DOK6: variants seen among roughly 807,000 people sequenced by gnomAD.
The protein encoded by DOK6 is downstream of tyrosine kinase 6.
DOK6 carries 22 observed loss-of-function variants against 44.0 expected under a neutral mutation model. The observed-to-expected ratio is 0.50, with a 90% confidence interval of 0.36 to 0.71. The LOEUF is 0.71. Among genes scored for constraint, DOK6 ranks in the 30% least tolerant of loss-of-function variants. The pLI, the probability that DOK6 is intolerant of heterozygous loss-of-function variation, is 0.00. For synonymous variants in DOK6, 166 were observed against 145.5 expected, an observed-to-expected ratio of 1.14 and a Z score of -1.01; for missense variants, 340 against 416.4, an observed-to-expected ratio of 0.82 and a Z score of 1.60.
At chr18:69,439,718 T>A (rs1256693982) in intron 1 of DOK6, among the ~76,000 whole-genome samples, 1 of 152,208 alleles carries the variant, frequency 6.6e-6, no homozygotes, top group Non-Finnish European at 1.5e-5. Context: ...AGGGCCTTGT[T>A]CTGGATTCGG....
chr18:69,643,055 G>A (rs1984983253), intron 3 of DOK6, among the ~76,000 whole-genome samples: 2 of 152,002 alleles, frequency 1.3e-5, no homozygotes, highest in Non-Finnish European at 2.9e-5. Flanking sequence ...CCCAATCTTT[G>A]TATCATTATG....
chr18:69,815,818 T>G (rs1015947565), intron 7 of DOK6, among the ~76,000 whole-genome samples: 1 of 152,138 alleles, frequency 6.6e-6, no homozygotes, highest in South Asian at 2.1e-4. Context: ...TACAAACATA[T>G]ATGTGTCATT....
intron 1 of DOK6, among the ~76,000 whole-genome samples, chr18:69,470,971 C>T (rs986129277): frequency 2.0e-5 from 3 of 151,954 alleles, no homozygotes; most frequent in African/African-American, 7.3e-5. Context: ...GTGATGTAGC[C>T]GGGCACGGTG....
At chr18:69,635,200 A>T (rs12959402) in intron 3 of DOK6, among the ~76,000 whole-genome samples, 65,649 of 151,772 alleles carry the variant, frequency 0.43, 16,252 homozygotes, top group Non-Finnish European at 0.55. Flanking sequence ...GACAACTAGA[A>T]AGTGTAGGGA....
chr18:69,830,279 A>G (rs1337515231), intron 7 of DOK6, among the ~76,000 whole-genome samples: 2 of 152,208 alleles, frequency 1.3e-5, no homozygotes, highest in Non-Finnish European at 2.9e-5. Context: ...TTATAGACTG[A>G]CTTTATCCCC....
chr18:69,581,783 A>G (rs935164755), intron 2 of DOK6, among the ~76,000 whole-genome samples: 9 of 152,258 alleles, frequency 5.9e-5, no homozygotes. Context: ...GATATAAATT[A>G]AAGCCTGATA....
At chr18:69,478,326 G>T (rs1980324835) in intron 1 of DOK6, among the ~76,000 whole-genome samples, 1 of 152,082 alleles carries the variant, frequency 6.6e-6, no homozygotes, top group African/African-American at 2.4e-5. Context: ...TTTCTTGTAC[G>T]TTGAACATAA....
At chr18:69,720,238 G>T (rs774146318) in intron 5 of DOK6, among the ~76,000 whole-genome samples, 2 of 151,984 alleles carry the variant, frequency 1.3e-5, no homozygotes, top group Non-Finnish European at 2.9e-5. Flanking sequence ...ACCAACACAA[G>T]ACTTGCGTTG....
At chr18:69,797,506 T>C (rs562541219) in intron 7 of DOK6, among the ~76,000 whole-genome samples, 26 of 152,176 alleles carry the variant, frequency 1.7e-4, no homozygotes, top group African/African-American at 5.5e-4. Context: ...AATAGCCCAG[T>C]TTTTAGTCTA....
intron 7 of DOK6, among the ~76,000 whole-genome samples, chr18:69,801,993 C>T: frequency 6.6e-6 from 1 of 152,144 alleles, no homozygotes; most frequent in East Asian, 1.9e-4. Context: ...AACACCATCA[C>T]TTTCAGAGGC....
intron 7 of DOK6, among the ~76,000 whole-genome samples, chr18:69,811,540 A>T (rs974037285): frequency 4.5e-5 from 1 of 22,182 alleles, no homozygotes; most frequent in African/African-American, 8.7e-5. Context: ...ATATATATAT[A>T]TATATATATA....
chr18:69,588,050 G>T (rs1784166138), intron 2 of DOK6, among the ~76,000 whole-genome samples: 1 of 152,084 alleles, frequency 6.6e-6, no homozygotes, highest in Non-Finnish European at 1.5e-5. Flanking sequence ...TAAATCACAT[G>T]ACTTTCAGAA....
chr18:69,597,051 A>G (rs1198972686), intron 2 of DOK6, among the ~76,000 whole-genome samples: 2 of 151,976 alleles, frequency 1.3e-5, no homozygotes, highest in Non-Finnish European at 2.9e-5. Flanking sequence ...GCTTCTTTAA[A>G]AGATATAAAA....
intron 1 of DOK6, among the ~76,000 whole-genome samples, chr18:69,503,927 C>G (rs1981114547): frequency 6.6e-6 from 1 of 151,930 alleles, no homozygotes; most frequent in Non-Finnish European, 1.5e-5. Context: ...AAAGGAGTAC[C>G]TTTTGCAAAC....
intron 3 of DOK6, chr18:69,659,689 G>A (rs1318701973): frequency 2.6e-5 from 4 of 151,946 alleles, no homozygotes; most frequent in East Asian, 1.9e-4. Context: ...GGCTAAAAAG[G>A]ACGTTAATCT....
intron 2 of DOK6, among the ~76,000 whole-genome samples, chr18:69,580,097 G>A (rs1344366873): frequency 1.3e-5 from 2 of 152,046 alleles, no homozygotes; most frequent in African/African-American, 4.8e-5. Flanking sequence ...AAACTCAGGG[G>A]CTCAAAAATA....
intron 5 of DOK6, among the ~76,000 whole-genome samples, chr18:69,723,127 T>C (rs1978291672): frequency 6.6e-6 from 1 of 152,172 alleles, no homozygotes. Flanking sequence ...TAGGAATGGG[T>C]TATTTTGCCT....
At chr18:69,839,480 C>T (rs566926297) in intron 7 of DOK6, among the ~76,000 whole-genome samples, 1 of 152,076 alleles carries the variant, frequency 6.6e-6, no homozygotes, top group South Asian at 2.1e-4. Context: ...TACCTTAACC[C>T]ATCCTTTAAC....
Position 69,841,574 on chromosome 18 carries a change from G to C in DOK6, c.*191G>C, listed in dbSNP as rs1479579393. 3.1e-6 allele frequency: 2 copies of C among 645,208 alleles called. No individual in the cohort carries two copies. Among genetic ancestry groups the C allele is most frequent in the Non-Finnish European group, 2.4e-6 (1 of 412,146 alleles). The allele number at this position is 645,208 out of a possible 1,614,324, so 40.0% of individuals were successfully genotyped here. ...TCAGTGGCTAAGTCCTTTATTTATT[G>C]AATTTCTTTGGGGGAATCTATGTTT... On this transcript the variant is annotated 3_prime_UTR_variant, in exon 8 of 8. Transcript: ENST00000382713.
Sources: allele counts gnomAD v4.1 joint callset (sites outside exome capture counted in the v4.1 genomes callset), GRCh38; gene constraint gnomAD v4.1.1; transcripts MANE v1.5; gene names NCBI Gene and HGNC (gene_info 2026-07-23, HGNC 2026-07-21).